The following TYW1 variants were observed in gnomAD, a reference collection of about 807,000 sequenced individuals.
TYW1 encodes the protein S-adenosyl-L-methionine-dependent tRNA 4-demethylwyosine synthase TYW1.
In TYW1, 46 loss-of-function variants were observed where a neutral mutation model predicts 96.2. The observed-to-expected ratio is 0.48, with a 90% confidence interval of 0.38 to 0.61. TYW1 has a LOEUF of 0.61. Among genes scored for constraint, TYW1 ranks in the 20% least tolerant of loss-of-function variants. TYW1 has a pLI of 0.00. For missense variants in TYW1, 684 were observed against 909.6 expected, an observed-to-expected ratio of 0.75 and a Z score of 3.19; for synonymous variants, 274 against 323.0, an observed-to-expected ratio of 0.85 and a Z score of 1.63.
intron 14 of TYW1, among the ~76,000 whole-genome samples, chr7:67,189,029 TATCACCCC>T (rs1800117767): frequency 1.3e-5 from 2 of 152,256 alleles, no homozygotes; most frequent in Non-Finnish European, 2.9e-5. Flanking sequence ...AACATGTATG[TATCACCCC>T]ATTCAACTTC....
chr7:67,217,778 A>G (rs1194143481), intron 15 of TYW1, among the ~76,000 whole-genome samples: 2 of 138,950 alleles, frequency 1.4e-5, no homozygotes, highest in African/African-American at 5.6e-5. Context: ...TATTTCTACA[A>G]AAAATGTTTT....
chr7:67,184,724 T>C (rs1436510475), intron 14 of TYW1, among the ~76,000 whole-genome samples: 1 of 149,150 alleles, frequency 6.7e-6, no homozygotes, highest in East Asian at 1.9e-4. Flanking sequence ...TTATGGTTTT[T>C]TGAGATGAAG....
chr7:67,153,379 A>G (rs1251015311), intron 13 of TYW1, among the ~76,000 whole-genome samples: 2 of 152,140 alleles, frequency 1.3e-5, no homozygotes, highest in African/African-American at 2.4e-5. Flanking sequence ...TCGCTTGAAC[A>G]TGGGAGGTGG....
intron 12 of TYW1, among the ~76,000 whole-genome samples, chr7:67,113,537 C>T (rs1797493407): frequency 2.0e-5 from 3 of 152,154 alleles, no homozygotes; most frequent in Admixed American, 2.0e-4. Context: ...TGGATTTTGC[C>T]ATCATGGTGC....
chr7:67,204,353 CTT>C (rs1438882968), intron 15 of TYW1, among the ~76,000 whole-genome samples: 1 of 151,894 alleles, frequency 6.6e-6, no homozygotes. Context: ...TTCATTCTGT[CTT>C]TTTACTCTTC....
intron 13 of TYW1, among the ~76,000 whole-genome samples, chr7:67,167,022 A>G (rs943436599): frequency 1.4e-4 from 22 of 152,182 alleles, no homozygotes; most frequent in Admixed American, 1.4e-3. Flanking sequence ...ATTGGTTTAT[A>G]GGATTTTTAA....
intron 11 of TYW1, among the ~76,000 whole-genome samples, chr7:67,084,330 G>T (rs557066623): frequency 6.6e-6 from 1 of 152,202 alleles, no homozygotes; most frequent in Admixed American, 6.5e-5. Flanking sequence ...TAAAAATTCA[G>T]CCACTCCATT....
At chr7:67,138,200 T>C (rs1798329943) in intron 13 of TYW1, among the ~76,000 whole-genome samples, 1 of 152,184 alleles carries the variant, frequency 6.6e-6, no homozygotes, top group Non-Finnish European at 1.5e-5. Context: ...GAATAGTGCG[T>C]ATTGAACTGG....
chr7:67,158,803 C>G (rs927775637), intron 13 of TYW1, among the ~76,000 whole-genome samples: 16 of 152,102 alleles, frequency 1.1e-4, no homozygotes, highest in African/African-American at 3.9e-4. Context: ...GATCTCCTGA[C>G]CTCGTGATCT....
intron 13 of TYW1, among the ~76,000 whole-genome samples, chr7:67,127,822 G>T (rs1294460058): frequency 6.6e-6 from 1 of 152,038 alleles, no homozygotes; most frequent in African/African-American, 2.4e-5. Flanking sequence ...TTTTCATAGG[G>T]TGCAGATTCT....
At chr7:67,063,718 C>G (rs1305924014) in intron 9 of TYW1, among the ~76,000 whole-genome samples, 1 of 152,048 alleles carries the variant, frequency 6.6e-6, no homozygotes, top group Admixed American at 6.6e-5. Flanking sequence ...ATTCTCCTGC[C>G]TCAGCCTCCC....
At chr7:67,156,033 T>TGGTA (rs1798959071) in intron 13 of TYW1, among the ~76,000 whole-genome samples, 4 of 152,124 alleles carry the variant, frequency 2.6e-5, no homozygotes, top group Admixed American at 2.6e-4. Context: ...GTGGAGGCTG[T>TGGTA]GGTAGGGCTT....
intron 10 of TYW1, among the ~76,000 whole-genome samples, 198 bp from the exon 11 acceptor site, chr7:67,083,232 A>T (rs551069552): frequency 2.2e-4 from 33 of 152,318 alleles, no homozygotes; most frequent in African/African-American, 7.9e-4. Flanking sequence ...GGAAGAGTTG[A>T]ATGATTTCTC....
At chr7:67,075,615 C>T (rs929944107) in intron 10 of TYW1, among the ~76,000 whole-genome samples, 2 of 152,098 alleles carry the variant, frequency 1.3e-5, no homozygotes, top group East Asian at 1.9e-4. Flanking sequence ...TGAAAGAAGC[C>T]GATCACAACA....
intron 12 of TYW1, among the ~76,000 whole-genome samples, chr7:67,106,190 C>T (rs1797237215): frequency 1.3e-5 from 2 of 152,126 alleles, no homozygotes; most frequent in Non-Finnish European, 2.9e-5. Flanking sequence ...AGCCACTGTG[C>T]CTGGCTGGAG....
intron 12 of TYW1, among the ~76,000 whole-genome samples, chr7:67,103,624 A>G (rs560173247): frequency 7.2e-5 from 11 of 152,358 alleles, no homozygotes; most frequent in African/African-American, 2.4e-4. Flanking sequence ...GTTTTCTAAG[A>G]GGAGATAATC....
rs1801984323 is a variant in TYW1, at chr7:67,239,190, A to T, written c.*661A>T. The T allele has an allele frequency of 1.0e-6, 1 of 985,486 alleles. No individual in the cohort carries two copies. The highest frequency in any genetic ancestry group is 1.7e-5 in the African/African-American group (1 of 57,242). 61.0% of individuals were successfully genotyped at this position (985,486 alleles called of 1,614,324 possible). A position where few individuals can be genotyped will look rare whatever the true frequency, so the allele number is the denominator to read the frequency against. ...CCACAGACCGCAGTACCGGGGCTGGAGCGGAGTGAAGCTGTCTGCTGTAAG... is the reference window on the plus strand; with the variant it reads ...CCACAGACCGCAGTACCGGGGCTGGTGCGGAGTGAAGCTGTCTGCTGTAAG... On this transcript the variant is annotated 3_prime_UTR_variant, in exon 16 of 16. Coordinates refer to ENST00000359626, the MANE Select transcript of TYW1 (RefSeq NM_018264.4).
chr7:67,040,998 A>C (rs1487226944), intron 7 of TYW1, among the ~76,000 whole-genome samples: 1 of 152,152 alleles, frequency 6.6e-6, no homozygotes, highest in African/African-American at 2.4e-5. Flanking sequence ...ATCCATGTAC[A>C]TTATTTTTTT....
intron 13 of TYW1, among the ~76,000 whole-genome samples, chr7:67,124,005 T>C (rs535973088): frequency 1.3e-5 from 2 of 152,136 alleles, no homozygotes; most frequent in Admixed American, 6.5e-5. Flanking sequence ...GAACCAAGAG[T>C]ACCAATAATA....
Sources: allele counts gnomAD v4.1 joint callset (sites outside exome capture counted in the v4.1 genomes callset), GRCh38; gene constraint gnomAD v4.1.1; transcripts MANE v1.5; gene names NCBI Gene and HGNC (gene_info 2026-07-23, HGNC 2026-07-21).